Variants in ATP9B observed in about 807,000 individuals in gnomAD.
ATP9B encodes probable phospholipid-transporting ATPase IIB.
Under a neutral mutation model 146.1 loss-of-function variants are expected in ATP9B, and 110 were observed. That is an observed-to-expected ratio of 0.75 (90% CI 0.65 to 0.88). ATP9B has a LOEUF of 0.88. Among genes scored for constraint, ATP9B ranks in the 40% least tolerant of loss-of-function variants. The pLI is 0.00. For synonymous variants in ATP9B, 604 were observed against 569.7 expected (o/e 1.06, Z -0.86); for missense variants, 1,499 against 1,496.4 (o/e 1.00, Z -0.03).
At chr18:79,359,004 A>G (rs2096970923) in intron 25 of ATP9B, among the ~76,000 whole-genome samples, 1 of 152,008 alleles carries the variant, frequency 6.6e-6, no homozygotes, top group South Asian at 2.1e-4. Flanking sequence ...TTCACACTAC[A>G]GTTATCTAAG....
At chr18:79,119,870 A>G (rs796520244) in intron 4 of ATP9B, among the ~76,000 whole-genome samples, 7 of 152,178 alleles carry the variant, frequency 4.6e-5, no homozygotes, top group African/African-American at 1.2e-4. Flanking sequence ...CTTACCTTCA[A>G]ATCTGAGAAG....
intron 12 of ATP9B, among the ~76,000 whole-genome samples, chr18:79,263,615 C>A (rs1000634749): frequency 3.3e-5 from 5 of 151,474 alleles, no homozygotes; most frequent in African/African-American, 1.2e-4. Flanking sequence ...GTTGTGTTGT[C>A]TTCTTCTCAT....
At chr18:79,246,374 GCACCGCCCTACTGACTGTGAGGAGGA>G (rs1220746264) in intron 11 of ATP9B, among the ~76,000 whole-genome samples, 162 of 152,050 alleles carry the variant, frequency 1.1e-3, no homozygotes, top group South Asian at 4.8e-3. Context: ...ACTGAGGAGG[GCACCGCCCTACTGACTGTGAGGAGGA>G]CACCGCCCTA....
chr18:79,198,800 T>G (rs1490260477), intron 9 of ATP9B, among the ~76,000 whole-genome samples: 1 of 152,188 alleles, frequency 6.6e-6, no homozygotes, highest in Non-Finnish European at 1.5e-5. Flanking sequence ...TAGAAGTTGG[T>G]CTGGGTGAGT....
Position 79,152,754 on chromosome 18 carries a change from C to T in ATP9B, c.727-1750C>T, listed in dbSNP as rs117791184. ...GTCGAGGTCAGGTGTCGTCTCCCAT[C>T]ATCCCCTGACGGTACTGGGTTTTCT... On this transcript the variant is annotated intron_variant, in intron 6 of 29. Coordinates refer to ENST00000426216, the MANE Select transcript of ATP9B (RefSeq NM_198531.5). 5.1e-4 allele frequency among the ~76,000 whole-genome samples: 78 copies of T among 152,296 alleles called. 1 individual carries two copies. The East Asian group carries it at 0.014, about 27-fold the overall frequency.
Position 79,285,228 on chromosome 18 carries a change from G to C in ATP9B, c.1411+8032G>C, listed in dbSNP as rs542535085. Among the ~76,000 whole-genome samples the C allele has an allele frequency of 2.0e-5, 3 of 151,642 alleles. No homozygotes were observed. The South Asian group carries it at 6.3e-4, about 32-fold the overall frequency. Reference sequence around the variant, plus strand: ...TCCACAATGGTTGAACTAGTTTACAGTCCCACCAACAGTGTAAAAGTGTTC... The same window carrying C: ...TCCACAATGGTTGAACTAGTTTACACTCCCACCAACAGTGTAAAAGTGTTC... On this transcript the variant is annotated intron_variant, in intron 13 of 29. Transcript: ENST00000426216.
chr18:79,267,990 GTTTAT>G (rs1187840466), intron 12 of ATP9B, among the ~76,000 whole-genome samples: 15 of 151,914 alleles, frequency 9.9e-5, no homozygotes, highest in Admixed American at 9.8e-4. Flanking sequence ...TTGGAATTCT[GTTTAT>G]TTTTAGTATT....
In ATP9B at chr18:79,372,878, C is replaced by A; in HGVS notation, c.3066C>A (p.Tyr1022Ter). Residue 1022 changes from tyrosine to a stop codon, truncating the protein, a stop_gained, in exon 27 of 30, where the codon TAC becomes TAA. Coordinates refer to ENST00000426216, the MANE Select transcript of ATP9B (RefSeq NM_198531.5). LOFTEE classifies it high-confidence loss of function. ...TFLIWVLISI[Y>*]QGGILMYGAL... ...TCATCTGGGTTTTAATAAGTATTTACCAAGGTAAGACGAGATCCTTAGTTT... is the reference window on the plus strand; with the variant it reads ...TCATCTGGGTTTTAATAAGTATTTAACAAGGTAAGACGAGATCCTTAGTTT... 1 of 1,605,160 alleles carries A rather than the reference C, an allele frequency of 6.2e-7. No individual in the cohort carries two copies.
At position 79,144,573 on chromosome 18, in the gene ATP9B, C is replaced by T. The variant is rs542903945; in HGVS notation, c.726+713C>T. ...TGACAGGAGGCGGAGCTCAGGAGGTCATGCTCGCTTGCCCTCCCCTCCCCT... is the reference window on the plus strand; with the variant it reads ...TGACAGGAGGCGGAGCTCAGGAGGTTATGCTCGCTTGCCCTCCCCTCCCCT... On this transcript the variant is annotated intron_variant, in intron 6 of 29. Transcript: ENST00000426216. Among the ~76,000 whole-genome samples the T allele has an allele frequency of 3.3e-4, 51 of 152,312 alleles. No individual in the cohort carries two copies. The East Asian group carries it at 4.4e-3, about 13-fold the overall frequency.
chr18:79,223,369 A>G (rs1330628113), intron 11 of ATP9B, among the ~76,000 whole-genome samples: 1 of 152,216 alleles, frequency 6.6e-6, no homozygotes, highest in Admixed American at 6.5e-5. Context: ...GCATACAATC[A>G]TAGAATGCCT....
At chr18:79,077,690 A>G (rs763851818) in intron 1 of ATP9B, among the ~76,000 whole-genome samples, 2 of 152,222 alleles carry the variant, frequency 1.3e-5, no homozygotes, top group Non-Finnish European at 2.9e-5. Flanking sequence ...TAAATTAAAA[A>G]CAGACCAGTT....
chr18:79,206,219 C>T (rs1049168116), intron 9 of ATP9B, among the ~76,000 whole-genome samples: 22 of 152,212 alleles, frequency 1.4e-4, no homozygotes, highest in African/African-American at 5.1e-4. Context: ...GGATTACAGG[C>T]GTGAGCCACC....
At chr18:79,227,799 G>C (rs922300553) in intron 11 of ATP9B, among the ~76,000 whole-genome samples, 1 of 152,140 alleles carries the variant, frequency 6.6e-6, no homozygotes, top group East Asian at 1.9e-4. Flanking sequence ...CTCAGTGCAC[G>C]TGGGCTCCAG....
At chr18:79,308,312 C>T (rs1056045417) in intron 15 of ATP9B, among the ~76,000 whole-genome samples, 2 of 152,070 alleles carry the variant, frequency 1.3e-5, no homozygotes, top group African/African-American at 4.8e-5. Flanking sequence ...TACCATATGC[C>T]CCGCCCGAGA....
intron 15 of ATP9B, among the ~76,000 whole-genome samples, chr18:79,321,133 C>G (rs934780191): frequency 2.6e-5 from 4 of 152,218 alleles, no homozygotes; most frequent in Non-Finnish European, 4.4e-5. Context: ...AGGCTGCTTT[C>G]ACCTAGTCAA....
chr18:79,376,214 C>CACACACACACACACACACACACAAAA lies in ATP9B; in HGVS notation c.3307+789_3307+790insCACACACACACACACACACACAAAAA. ...ACACACACACACACACACACACACA[C>CACACACACACACACACACACACAAAA]AAAACAAAACAAAAAAATGGCTAGC... On this transcript the variant is annotated intron_variant, in intron 29 of 29. Coordinates refer to ENST00000426216, the MANE Select transcript of ATP9B (RefSeq NM_198531.5). 36 of 528,216 alleles carry CACACACACACACACACACACACAAAA rather than the reference C, an allele frequency of 6.8e-5. 2 individuals carry two copies. The highest frequency in any genetic ancestry group is 9.4e-5 in the South Asian group (1 of 10,652). The allele number at this position is 528,216 out of a possible 1,614,324, so 32.7% of individuals were successfully genotyped here. A position where few individuals can be genotyped will look rare whatever the true frequency, so the allele number is the denominator to read the frequency against.
chr18:79,174,783 T>C (rs1012343572), intron 7 of ATP9B, among the ~76,000 whole-genome samples: 1 of 152,216 alleles, frequency 6.6e-6, no homozygotes, highest in Non-Finnish European at 1.5e-5. Context: ...TTCATTTTTT[T>C]GGTTAAAGAA....
chr18:79,168,946 A>G (rs1354403006), intron 7 of ATP9B, among the ~76,000 whole-genome samples: 1 of 151,794 alleles, frequency 6.6e-6, no homozygotes, highest in East Asian at 1.9e-4. Context: ...TCTCCTCTCC[A>G]GCCCCCATTG....
At chr18:79,200,800 C>CGGG (rs1310074025) in intron 9 of ATP9B, among the ~76,000 whole-genome samples, 54 of 338 alleles carry the variant, frequency 0.16, no homozygotes, top group Admixed American at 0.29. Flanking sequence ...GAATTGTTTT[C>CGGG]ATCAGAATAG....
Sources: allele counts gnomAD v4.1 joint callset (sites outside exome capture counted in the v4.1 genomes callset), GRCh38; gene constraint gnomAD v4.1.1; transcripts MANE v1.5; gene names NCBI Gene and HGNC (gene_info 2026-07-23, HGNC 2026-07-21).